The following LRP1B variants were observed in gnomAD, a reference collection of about 807,000 sequenced individuals.
LRP1B encodes LDL receptor related protein 1B, also known as low-density lipoprotein receptor-related protein 1B.
LRP1B carries 217 observed loss-of-function variants against 556.6 expected under a neutral mutation model. The observed-to-expected ratio is 0.39, with a 90% CI of 0.35 to 0.44. LRP1B has a LOEUF of 0.44. Among genes scored for constraint, LRP1B ranks in the 20% least tolerant of loss-of-function variants. The probability of loss-of-function intolerance (pLI) is 1.00; values close to 1 mark genes in which losing one functional copy is unlikely to be tolerated. For missense variants in LRP1B, 5,053 were observed against 5,620.8 expected (o/e 0.90, Z 3.23); for synonymous variants, 2,047 against 1,865.8 (o/e 1.10, Z -2.50).
chr2:140,443,316 C>T (rs951039964), intron 65 of LRP1B, among the ~76,000 whole-genome samples: 1 of 152,164 alleles, frequency 6.6e-6, no homozygotes, highest in African/African-American at 2.4e-5. Flanking sequence ...CCACCTCGGC[C>T]TCCTAAAGTG....
chr2:140,728,833 G>A (rs772717304), intron 35 of LRP1B, among the ~76,000 whole-genome samples: 13 of 152,042 alleles, frequency 8.6e-5, no homozygotes, highest in Non-Finnish European at 1.3e-4. Flanking sequence ...TCTGTGATAT[G>A]GGCAAGTTAC....
rs543749072 is a variant in LRP1B at position 140,622,724 on chromosome 2, T to C, written c.6800-21085A>G. 4.6e-5 allele frequency among the ~76,000 whole-genome samples: 7 copies of C among 152,164 alleles called. No homozygotes were observed. The South Asian group carries it at 1.5e-3, about 32-fold the overall frequency. On this transcript the variant is annotated intron_variant, in intron 41 of 90. Transcript: ENST00000389484. ...AATCTAAAGAGACAATAACGAGGGG[T>C]AATACAAAAAAGAATGAATGGCAGA... is the stretch of plus-strand genomic sequence containing the variant.
chr2:141,615,056 C>T (rs755861576), intron 2 of LRP1B, among the ~76,000 whole-genome samples: 2 of 152,044 alleles, frequency 1.3e-5, no homozygotes, highest in Non-Finnish European at 2.9e-5. Flanking sequence ...TGTTAGAGGA[C>T]CTTCTAGTGA....
chr2:141,517,029 A>AAACAAC lies in LRP1B; in HGVS notation c.206-36497_206-36496insGTTGTT, dbSNP rs1553526098. Reference sequence around the variant, plus strand: ...TAAAAAAAAAAAAAAAAAAAAAAAAAAAAGTAAATCAATGAAATAATTTAA... The same window carrying AAACAAC: ...TAAAAAAAAAAAAAAAAAAAAAAAAAAACAACAAAGTAAATCAATGAAATAATTTAA... On this transcript the variant is annotated intron_variant, in intron 2 of 90. Coordinates refer to ENST00000389484, the MANE Select transcript of LRP1B (RefSeq NM_018557.3). 4.4e-5 allele frequency among the ~76,000 whole-genome samples: 4 copies of AAACAAC among 90,192 alleles called. 1 individual carries two copies. The highest frequency in any genetic ancestry group is 8.5e-5 in the Non-Finnish European group (4 of 46,912). The allele number at this position is 90,192 out of a possible 152,430, so 59.2% of individuals were successfully genotyped here.
chr2:141,104,697 C>A (rs188924829), intron 7 of LRP1B, among the ~76,000 whole-genome samples: 1 of 152,128 alleles, frequency 6.6e-6, no homozygotes, highest in East Asian at 1.9e-4. Context: ...TTCTAGAAAG[C>A]AAGGGTCTGA....
At chr2:141,394,145 C>T (rs924373613) in intron 3 of LRP1B, among the ~76,000 whole-genome samples, 13 of 152,044 alleles carry the variant, frequency 8.6e-5, no homozygotes, top group African/African-American at 2.9e-4. Flanking sequence ...AAATTCCACA[C>T]GTTGCTCAAA....
chr2:141,996,222 A>C (rs1702486727), intron 1 of LRP1B, among the ~76,000 whole-genome samples: 2 of 94,464 alleles, frequency 2.1e-5, no homozygotes, highest in East Asian at 3.7e-4. Flanking sequence ...AAAAAAAAAA[A>C]AAAAAACGTT....
Position 141,457,341 on chromosome 2 carries a change from G to A in LRP1B, c.343+23055C>T, listed in dbSNP as rs1461081290. On this transcript the variant is annotated intron_variant, in intron 3 of 90. Coordinates refer to ENST00000389484, the MANE Select transcript of LRP1B (RefSeq NM_018557.3). ...TGATAAGCTCATAACAGGAACAGAC[G>A]ACCAAACACCACATATTCTCACTTA... is the stretch of plus-strand genomic sequence containing the variant. Among the ~76,000 whole-genome samples the A allele has an allele frequency of 3.9e-5, 6 of 152,038 alleles. No individual in the cohort carries two copies. The South Asian group carries it at 1.2e-3, about 32-fold the overall frequency.
intron 5 of LRP1B, among the ~76,000 whole-genome samples, chr2:141,240,582 A>C (rs890344624): frequency 2.0e-5 from 3 of 151,906 alleles, no homozygotes; most frequent in African/African-American, 7.3e-5. Context: ...TCCAATTTTA[A>C]GATAGAAAAA....
chr2:141,547,346 C>A (rs1685590964), intron 2 of LRP1B, among the ~76,000 whole-genome samples: 1 of 152,168 alleles, frequency 6.6e-6, no homozygotes, highest in Non-Finnish European at 1.5e-5. Context: ...GCTCTTGCAG[C>A]AGCCTGATAA....
chr2:141,815,626 TGGAG>T (rs1696516537), intron 1 of LRP1B, among the ~76,000 whole-genome samples: 1 of 152,002 alleles, frequency 6.6e-6, no homozygotes, highest in Non-Finnish European at 1.5e-5. Flanking sequence ...AGTAGCCACT[TGGAG>T]GGAGGATTAA....
chr2:140,576,322 T>C (rs1479629499), intron 43 of LRP1B, among the ~76,000 whole-genome samples: 2 of 152,220 alleles, frequency 1.3e-5, no homozygotes, highest in Non-Finnish European at 2.9e-5. Flanking sequence ...TCCTTCCTAC[T>C]TCCTTTGGGA....
chr2:140,860,134 G>A (rs77594050), intron 27 of LRP1B, among the ~76,000 whole-genome samples: 5,950 of 152,272 alleles, frequency 0.039, 179 homozygotes, highest in South Asian at 0.093. Flanking sequence ...AGGTTCCAGA[G>A]TCCAGGTTTT....
chr2:140,524,709 A>G (rs1026036241), intron 49 of LRP1B, among the ~76,000 whole-genome samples: 1 of 151,878 alleles, frequency 6.6e-6, no homozygotes, highest in Non-Finnish European at 1.5e-5. Flanking sequence ...AAAACCATAT[A>G]TCACATGTTC....
At chr2:141,227,095 A>C (rs1380384905) in intron 6 of LRP1B, among the ~76,000 whole-genome samples, 1 of 152,216 alleles carries the variant, frequency 6.6e-6, no homozygotes, top group African/African-American at 2.4e-5. Context: ...TTAATAAATC[A>C]AATTTAATCT....
chr2:140,325,095 A>C (rs1000044949), intron 80 of LRP1B, among the ~76,000 whole-genome samples: 4 of 152,084 alleles, frequency 2.6e-5, no homozygotes, highest in African/African-American at 9.7e-5. Flanking sequence ...GAAGGAGTTG[A>C]AGTAGGGAAA....
intron 7 of LRP1B, among the ~76,000 whole-genome samples, chr2:141,142,206 C>T (rs145377262): frequency 1.6e-3 from 238 of 152,334 alleles, no homozygotes; most frequent in African/African-American, 5.3e-3. Flanking sequence ...TCACCAGATG[C>T]TGTCTCATTA....
At chr2:140,572,590 A>G (rs1681363967) in intron 43 of LRP1B, among the ~76,000 whole-genome samples, 1 of 151,786 alleles carries the variant, frequency 6.6e-6, no homozygotes, top group Admixed American at 6.6e-5. Context: ...AATAAAAAAT[A>G]GAGTTACTAT....
intron 1 of LRP1B, among the ~76,000 whole-genome samples, chr2:142,029,208 C>G (rs574461399): frequency 1.3e-5 from 2 of 151,916 alleles, no homozygotes; most frequent in Admixed American, 1.3e-4. Flanking sequence ...AGGGTAAGAC[C>G]TAGAACCTAA....
Sources: allele counts gnomAD v4.1 joint callset (sites outside exome capture counted in the v4.1 genomes callset), GRCh38; gene constraint gnomAD v4.1.1; transcripts MANE v1.5; gene names NCBI Gene and HGNC (gene_info 2026-07-23, HGNC 2026-07-21).